CCDC187: variants seen among roughly 807,000 people sequenced by gnomAD.
The protein encoded by CCDC187 is coiled-coil domain containing 187.
Under a neutral mutation model 38.0 loss-of-function variants are expected in CCDC187, and 32 were observed. The observed-to-expected ratio is 0.84, with a 90% CI of 0.64 to 1.13. CCDC187 has a LOEUF of 1.13. Among genes scored for constraint, CCDC187 ranks in the 50% most tolerant of loss-of-function variants. CCDC187 has a pLI of 0.00. For synonymous variants in CCDC187, 333 were observed against 347.9 expected (o/e 0.96, Z 0.48); for missense variants, 707 against 786.8 (o/e 0.90, Z 1.21).
rs943003441 is a variant in CCDC187 at position 136,291,111 on chromosome 9, G to A, written c.1502C>T (p.Pro501Leu). ...WSALAGQACSPQRAWGAQRQG... is the reference protein window; with the variant it reads ...WSALAGQACSLQRAWGAQRQG... ...TCTTTGGGCCCCCCAGGCCCTCTGC[G>A]GACTGCAGGCCTGCCCAGCCAGTGC... The change falls in exon 6 of 26, where the codon CCG becomes CTG. Residue 501 changes from proline to leucine, a missense_variant. Pro to Leu is a moderately conservative substitution (Grantham distance 98). Coordinates refer to ENST00000638797, the MANE Select transcript of CCDC187 (RefSeq NM_001378188.1). 5.5e-5 allele frequency: 22 copies of A among 398,610 alleles called. No homozygotes were observed. Among genetic ancestry groups the A allele is most frequent in the Middle Eastern group, 6.3e-4 (1 of 1,590 alleles). 24.7% of individuals were successfully genotyped at this position (398,610 alleles called of 1,614,324 possible). A position where few individuals can be genotyped will look rare whatever the true frequency, so the allele number is the denominator to read the frequency against.
chr9:136,302,113 G>A (rs939917937), intron 2 of CCDC187, among the ~76,000 whole-genome samples: 56 of 152,160 alleles, frequency 3.7e-4, no homozygotes, highest in African/African-American at 1.3e-3. Flanking sequence ...GGGAGGCTGA[G>A]GCAGGAGAAT....
intron 9 of CCDC187, among the ~76,000 whole-genome samples, chr9:136,285,012 CG>C (rs1831140861): frequency 6.6e-6 from 1 of 151,966 alleles, no homozygotes. Context: ...GGCCTGGGGG[CG>C]CGGGACAGGC....
intron 6 of CCDC187, 104 bp from the exon 7 acceptor site, chr9:136,290,157 G>A: frequency 2.5e-6 from 1 of 397,948 alleles, no homozygotes; most frequent in African/African-American, 2.1e-5. Context: ...GGGGTCTCAG[G>A]CTGCTTCCCC....
chr9:136,303,305 C>A lies in CCDC187; in HGVS notation c.144-12G>T. 7.5e-6 allele frequency: 3 copies of A among 397,360 alleles called. No homozygotes were observed. Among genetic ancestry groups the A allele is most frequent in the South Asian group, 1.4e-4 (1 of 7,022 alleles). The allele number at this position is 397,360 out of a possible 1,614,324, so 24.6% of individuals were successfully genotyped here. A position where few individuals can be genotyped will look rare whatever the true frequency, so the allele number is the denominator to read the frequency against. On this transcript the variant is annotated splice_polypyrimidine_tract_variant and intron_variant, in intron 1 of 25. Coordinates refer to ENST00000638797, the MANE Select transcript of CCDC187 (RefSeq NM_001378188.1). ...CAGGTGCGCAGAGCCTGGGAGGGAA[C>A]GGCAGACATGCCGGTCAGACATGCA...
In CCDC187 at chr9:136,254,054, T is replaced by G. The variant is rs782521152; in HGVS notation, c.5774A>C (p.Lys1925Thr). The G allele has an allele frequency of 1.4e-4, 138 of 984,900 alleles. No homozygotes were observed. The highest frequency in any genetic ancestry group is 1.6e-4 in the Non-Finnish European group (132 of 829,628). 61.0% of individuals were successfully genotyped at this position (984,900 alleles called of 1,614,324 possible). The change falls in exon 26 of 26, where the codon AAG becomes ACG. Residue 1925 changes from lysine (K) to threonine (T), a missense_variant. Physicochemically the swap from Lys to Thr is moderately conservative, Grantham distance 78. Transcript: ENST00000638797. ...TGGCATGAGGTACGGGAGTTTGCTCTTGGTGGATGGGCTCGGGTCAGCATC... is the reference window on the plus strand; with the variant it reads ...TGGCATGAGGTACGGGAGTTTGCTCGTGGTGGATGGGCTCGGGTCAGCATC... Reference protein sequence around the residue: ...TRDADPSPSTKSKLPYLMPEP... With the variant: ...TRDADPSPSTTSKLPYLMPEP...
chr9:136,258,829 G>A lies in CCDC187; in HGVS notation c.4366+103C>T, dbSNP rs184579600. Reference sequence around the variant, plus strand: ...CCAGGGCCCATCTTCTTTGCTTTCCGTCCTTGTCCAGTGGCTGAGCTCCAG... The same window carrying A: ...CCAGGGCCCATCTTCTTTGCTTTCCATCCTTGTCCAGTGGCTGAGCTCCAG... On this transcript the variant is annotated intron_variant, in intron 22 of 25. Transcript: ENST00000638797. The surrounding 1 kb of genome is among the most constrained non-coding windows in gnomAD (Gnocchi z 4.3). 3,228 of 985,528 alleles carry A rather than the reference G, an allele frequency of 3.3e-3. 7 individuals carry two copies. The highest frequency in any genetic ancestry group is 3.4e-3 in the Non-Finnish European group (2,860 of 830,008). 61.0% of individuals were successfully genotyped at this position (985,528 alleles called of 1,614,324 possible). A position where few individuals can be genotyped will look rare whatever the true frequency, so the allele number is the denominator to read the frequency against.
intron 14 of CCDC187, among the ~76,000 whole-genome samples, chr9:136,272,716 A>C (rs1382595692): frequency 5.3e-5 from 8 of 151,994 alleles, no homozygotes; most frequent in Admixed American, 2.6e-4. Flanking sequence ...AAAAAAAAAA[A>C]AACAAAAACT....
intron 14 of CCDC187, among the ~76,000 whole-genome samples, chr9:136,270,016 G>A (rs1830813163): frequency 6.6e-6 from 1 of 152,170 alleles, no homozygotes; most frequent in Admixed American, 6.5e-5. Flanking sequence ...CGAACTGGAA[G>A]ATATAGCAAT....
intron 10 of CCDC187, among the ~76,000 whole-genome samples, chr9:136,278,060 T>C (rs1363606762): frequency 1.3e-5 from 2 of 152,178 alleles, no homozygotes; most frequent in Admixed American, 6.5e-5. Flanking sequence ...GTCACCCCCG[T>C]GGCCCCCATC....
chr9:136,250,714 G>A lies in CCDC187; in HGVS notation c.*2880C>T, dbSNP rs1554759194. On this transcript the variant is annotated 3_prime_UTR_variant, in exon 26 of 26. Coordinates refer to ENST00000638797, the MANE Select transcript of CCDC187 (RefSeq NM_001378188.1). ...TCTCAGGTGGGCTGGGCAGGAGCTG[G>A]TGCAAAATCAGATGCATGGCCCGAG... The A allele has an allele frequency of 4.4e-6, 2 of 456,264 alleles. No homozygotes were observed. The highest frequency in any genetic ancestry group is 8.8e-6 in the Non-Finnish European group (2 of 226,926). 28.3% of individuals were successfully genotyped at this position (456,264 alleles called of 1,614,324 possible).
chr9:136,269,914 A>T (rs1554762150), intron 14 of CCDC187, among the ~76,000 whole-genome samples: 1 of 152,242 alleles, frequency 6.6e-6, no homozygotes, highest in East Asian at 1.9e-4. Context: ...TCCAAATGGA[A>T]TGTGTAAACT....
At chr9:136,287,943 A>T (rs1831220411) in intron 7 of CCDC187, among the ~76,000 whole-genome samples, 2 of 152,072 alleles carry the variant, frequency 1.3e-5, no homozygotes, top group South Asian at 4.2e-4. Context: ...CAATCCTCCC[A>T]CCTCAGCCTC....
intron 4 of CCDC187, 32 bp from the exon 5 acceptor site, chr9:136,292,327 C>T (rs974963211): frequency 9.3e-5 from 37 of 398,654 alleles, no homozygotes; most frequent in African/African-American, 3.7e-4. Context: ...CACAGCCGGG[C>T]GCCCCATGGC....
Position 136,267,443 on chromosome 9 carries a change from T to G in CCDC187, c.3588A>C (p.Arg1196=). ...AQHQAALLRL[R]EMALQEKTLA... ...GCGTTTTCTCCTGGAGCGCCATCTCTCGCAGGCGCAGCAGCGCGGCCTGGT... is the reference window on the plus strand; with the variant it reads ...GCGTTTTCTCCTGGAGCGCCATCTCGCGCAGGCGCAGCAGCGCGGCCTGGT... The change falls in exon 16 of 26, where the codon CGA becomes CGC. Residue 1196 remains arginine (R), a synonymous_variant. Coordinates refer to ENST00000638797, the MANE Select transcript of CCDC187 (RefSeq NM_001378188.1). 1.0e-6 allele frequency: 1 copy of G among 985,524 alleles called. No homozygotes were observed. The highest frequency in any genetic ancestry group is 1.2e-6 in the Non-Finnish European group (1 of 830,012). The allele number at this position is 985,524 out of a possible 1,614,324, so 61.0% of individuals were successfully genotyped here. A position where few individuals can be genotyped will look rare whatever the true frequency, so the allele number is the denominator to read the frequency against.
chr9:136,255,540 T>G, intron 25 of CCDC187, 117 bp downstream of exon 25: 2 of 317,936 alleles, frequency 6.3e-6, no homozygotes, highest in Non-Finnish European at 9.1e-6. Context: ...AGCTAGGCAG[T>G]GGGGAAGGCA....
At chr9:136,288,715 G>A (rs1413568690) in intron 7 of CCDC187, among the ~76,000 whole-genome samples, 1 of 152,204 alleles carries the variant, frequency 6.6e-6, no homozygotes, top group Non-Finnish European at 1.5e-5. Flanking sequence ...TGTGATTCAC[G>A]ATGCCCCAGG....
At position 136,264,838 on chromosome 9, in the gene CCDC187, C is replaced by T. The variant is rs1830726112; in HGVS notation, c.3736-1040G>A. Among the ~76,000 whole-genome samples the T allele has an allele frequency of 6.6e-6, 1 of 152,126 alleles. No homozygotes were observed. On this transcript the variant is annotated intron_variant, in intron 17 of 25. Transcript: ENST00000638797. This position sits in a 1 kb window ranked among gnomAD's most constrained non-coding sequence, Gnocchi z 4.3. ...TGGTGCAAGCTCAGCTCACTGCAGC[C>T]TTGACCTCCCAAGCTCAAGCAATCC...
Position 136,259,018 on chromosome 9 carries a change from G to T in CCDC187, c.4297-17C>A. The T allele has an allele frequency of 1.0e-6, 1 of 986,092 alleles. No individual in the cohort carries two copies. The highest frequency in any genetic ancestry group is 1.1e-4 in the East Asian group (1 of 8,814). 61.1% of individuals were successfully genotyped at this position (986,092 alleles called of 1,614,324 possible). A position where few individuals can be genotyped will look rare whatever the true frequency, so the allele number is the denominator to read the frequency against. Reference sequence around the variant, plus strand: ...CTCCTCGGCCTGGGGGGTGAGACGGGAGTGGACATGGCACAGGGCCCTGAA... The same window carrying T: ...CTCCTCGGCCTGGGGGGTGAGACGGTAGTGGACATGGCACAGGGCCCTGAA... On this transcript the variant is annotated splice_polypyrimidine_tract_variant and intron_variant, in intron 21 of 25. Coordinates refer to ENST00000638797, the MANE Select transcript of CCDC187 (RefSeq NM_001378188.1).
At chr9:136,284,828 G>C (rs898791721) in intron 9 of CCDC187, among the ~76,000 whole-genome samples, 242 of 152,258 alleles carry the variant, frequency 1.6e-3, no homozygotes, top group African/African-American at 5.5e-3. Flanking sequence ...GCTCGGGAGG[G>C]AGCGGCCGCC....
Sources: allele counts gnomAD v4.1 joint callset (sites outside exome capture counted in the v4.1 genomes callset), GRCh38; gene constraint gnomAD v4.1.1; non-coding constraint Gnocchi (gnomAD v3.1); transcripts MANE v1.5; gene names NCBI Gene and HGNC (gene_info 2026-07-23, HGNC 2026-07-21).